The following ASXL1 variants were observed in gnomAD, a reference collection of about 807,000 sequenced individuals.
ASXL1 encodes polycomb group protein ASXL1.
ASXL1 carries 65 observed loss-of-function variants against 89.1 expected under a neutral mutation model. That is an observed-to-expected ratio of 0.73 (90% CI 0.60 to 0.90). ASXL1 has a LOEUF of 0.90. Among genes scored for constraint, ASXL1 ranks in the 40% least tolerant of loss-of-function variants. The pLI is 0.00. For synonymous variants in ASXL1, 739 were observed against 746.9 expected (o/e 0.99, Z 0.17); for missense variants, 1,786 against 1,942.9 (o/e 0.92, Z 1.52).
At chr20:32,364,869 A>T (rs1313589256) in intron 1 of ASXL1, among the ~76,000 whole-genome samples, 1 of 152,224 alleles carries the variant, frequency 6.6e-6, no homozygotes, top group Admixed American at 6.5e-5. Context: ...TGAATGAAGG[A>T]TGACAACAGA....
At chr20:32,368,111 A>C (rs2048236779) in intron 3 of ASXL1, among the ~76,000 whole-genome samples, 1 of 152,180 alleles carries the variant, frequency 6.6e-6, no homozygotes, top group South Asian at 2.1e-4. Context: ...GAAAAATGCA[A>C]AGAGGCTTAC....
chr20:32,423,424 AG>A (rs908957271), intron 4 of ASXL1, among the ~76,000 whole-genome samples: 1 of 151,458 alleles, frequency 6.6e-6, no homozygotes, highest in Non-Finnish European at 1.5e-5. Context: ...TATATTTAGT[AG>A]GGGGGGTTTC....
chr20:32,365,186 T>G (rs2048185230), intron 1 of ASXL1, among the ~76,000 whole-genome samples: 1 of 152,100 alleles, frequency 6.6e-6, no homozygotes, highest in Non-Finnish European at 1.5e-5. Context: ...ATCTGAAATT[T>G]GGGGGAGAAG....
intron 4 of ASXL1, among the ~76,000 whole-genome samples, chr20:32,386,541 TG>T (rs2048581954): frequency 2.6e-5 from 4 of 151,960 alleles, no homozygotes; most frequent in Non-Finnish European, 5.9e-5. Flanking sequence ...CCTTAGCCAC[TG>T]GAATAGCTGG....
At chr20:32,421,224 TTAAAG>T (rs1177918973) in intron 4 of ASXL1, among the ~76,000 whole-genome samples, 2 of 149,612 alleles carry the variant, frequency 1.3e-5, no homozygotes, top group Non-Finnish European at 1.5e-5. Context: ...ATCCCAGAAC[TTAAAG>T]TAAAATTTAA....
intron 4 of ASXL1, among the ~76,000 whole-genome samples, chr20:32,421,253 TCAAA>T (rs1359383438): frequency 6.9e-6 from 1 of 145,322 alleles, no homozygotes. Flanking sequence ...AAAAAAAACT[TCAAA>T]AAAAAAAAAG....
chr20:32,419,812 C>T (rs565470463), intron 4 of ASXL1, among the ~76,000 whole-genome samples: 7 of 151,456 alleles, frequency 4.6e-5, no homozygotes, highest in Middle Eastern at 3.4e-3. Flanking sequence ...CCTGAGTGGC[C>T]GGGATTACAG....
intron 4 of ASXL1, among the ~76,000 whole-genome samples, chr20:32,395,089 TGAGCGGTTCCAGATTCTCATCTGCCA>T (rs1370226848): frequency 6.6e-6 from 1 of 152,212 alleles, no homozygotes; most frequent in Non-Finnish European, 1.5e-5. Flanking sequence ...TTATTGCCTA[TGAGCGGTTCCAGATTCTCATCTGCCA>T]GATTTTCTTC....
At chr20:32,395,019 A>G (rs1162583527) in intron 4 of ASXL1, among the ~76,000 whole-genome samples, 1 of 152,162 alleles carries the variant, frequency 6.6e-6, no homozygotes, top group Non-Finnish European at 1.5e-5. Context: ...TGGCCTAAAA[A>G]GATTTTAAAA....
intron 4 of ASXL1, among the ~76,000 whole-genome samples, chr20:32,405,368 G>A (rs978059601): frequency 3.3e-5 from 5 of 152,032 alleles, no homozygotes; most frequent in Admixed American, 1.3e-4. Flanking sequence ...ATGCACCACC[G>A]CACCTGGCCC....
intron 1 of ASXL1, among the ~76,000 whole-genome samples, chr20:32,363,484 G>A (rs1600465734): frequency 2.0e-5 from 3 of 152,156 alleles, no homozygotes; most frequent in African/African-American, 7.2e-5. Context: ...AGGTCCAGAC[G>A]CAGGAACAGA....
At chr20:32,394,865 C>T (rs2048735254) in intron 4 of ASXL1, among the ~76,000 whole-genome samples, 1 of 151,926 alleles carries the variant, frequency 6.6e-6, no homozygotes, top group Non-Finnish European at 1.5e-5. Flanking sequence ...AGGTGCGCCC[C>T]ATCATGCCTG....
chr20:32,433,951 GC>G, intron 12 of ASXL1, 34 bp downstream of exon 12: 1 of 1,610,768 alleles, frequency 6.2e-7, no homozygotes, highest in Non-Finnish European at 8.5e-7. Context: ...CTGCCCTGGA[GC>G]CAGGTTTTCT....
Position 32,436,298 on chromosome 20 carries a change from G to A in ASXL1, c.3586G>A (p.Ala1196Thr), listed in dbSNP as rs1339242781. 1.9e-6 allele frequency: 3 copies of A among 1,614,036 alleles called. No individual in the cohort carries two copies. Among genetic ancestry groups the A allele is most frequent in the South Asian group, 2.2e-5 (2 of 91,088 alleles). ...TCTTGCCAGGATTGAGGCCACCCAG[G>A]CTCCTGGAGCACCCCAAAAGAATTG... ...TGLARIEATQAPGAPQKNCKA... is the reference protein window; with the variant it reads ...TGLARIEATQTPGAPQKNCKA... The change falls in exon 13 of 13, where the codon GCT becomes ACT. Residue 1196 changes from alanine (A) to threonine (T), a missense_variant. This residue lies in a region of ASXL1 where 1,418 missense variants were observed against 1,427.8 expected (regional missense o/e 0.99). Coordinates refer to ENST00000375687, the MANE Select transcript of ASXL1 (RefSeq NM_015338.6).
intron 4 of ASXL1, among the ~76,000 whole-genome samples, chr20:32,373,569 A>G (rs1282809200): frequency 6.6e-6 from 1 of 151,990 alleles, no homozygotes; most frequent in African/African-American, 2.4e-5. Flanking sequence ...AAAGTAATCC[A>G]TAAAATTCTA....
chr20:32,388,818 A>G (rs112993581), intron 4 of ASXL1, among the ~76,000 whole-genome samples: 1,542 of 152,232 alleles, frequency 0.01, 20 homozygotes, highest in African/African-American at 0.035. Flanking sequence ...TCATGCCTAT[A>G]AGACCTGGGC....
At chr20:32,401,561 C>CAT (rs796953849) in intron 4 of ASXL1, among the ~76,000 whole-genome samples, 1 of 137,920 alleles carries the variant, frequency 7.3e-6, no homozygotes, top group African/African-American at 2.9e-5. Flanking sequence ...CCCCCCCCCC[C>CAT]TTTTTTTTTT....
At chr20:32,414,520 G>T (rs1445009058) in intron 4 of ASXL1, among the ~76,000 whole-genome samples, 2 of 151,824 alleles carry the variant, frequency 1.3e-5, no homozygotes, top group Non-Finnish European at 2.9e-5. Flanking sequence ...TCCAGCCTGG[G>T]CAACATAGCA....
intron 4 of ASXL1, among the ~76,000 whole-genome samples, chr20:32,383,521 A>T (rs976552700): frequency 1.3e-5 from 2 of 151,826 alleles, no homozygotes; most frequent in South Asian, 2.1e-4. Flanking sequence ...GTTTGCCAGG[A>T]TGGTCTCCAT....
Sources: allele counts gnomAD v4.1 joint callset (sites outside exome capture counted in the v4.1 genomes callset), GRCh38; gene constraint gnomAD v4.1.1; regional missense constraint gnomAD v4.1.1; transcripts MANE v1.5; gene names NCBI Gene and HGNC (gene_info 2026-07-23, HGNC 2026-07-21).